KMT2D: variants seen among roughly 807,000 people sequenced by gnomAD.
KMT2D encodes the protein histone-lysine N-methyltransferase 2D.
Under a neutral mutation model 512.7 loss-of-function variants are expected in KMT2D, and 55 were observed. The ratio of observed to expected loss-of-function variants is 0.11; its 90% CI spans 0.09 to 0.13. KMT2D has a LOEUF of 0.13. KMT2D is among the 10% of genes least tolerant of loss of function. The pLI is 1.00. For missense variants in KMT2D, 6,061 were observed against 7,127.9 expected (o/e 0.85, Z 5.39); for synonymous variants, 2,995 against 2,904.0 (o/e 1.03, Z -1.01).
Position 49,030,841 on chromosome 12 carries a change from G to C in KMT2D, c.13671+52C>G, listed in dbSNP as rs1942869304. ...GCTGTCTTGCACAGCTGGGGGACAG[G>C]GTGCCCCCTATCCTGGGATGGGACC... is the stretch of plus-strand genomic sequence containing the variant. On this transcript the variant is annotated intron_variant, in intron 41 of 54. Transcript: ENST00000301067. 3.7e-6 allele frequency: 6 copies of C among 1,612,116 alleles called. No individual in the cohort carries two copies. The South Asian group carries it at 6.6e-5, about 18-fold the overall frequency.
rs776908533 is a variant in KMT2D at position 49,030,772 on chromosome 12, C to T, written c.13672-4G>A. 3 of 1,613,492 alleles carry T rather than the reference C, an allele frequency of 1.9e-6. No individual in the cohort carries two copies. The highest frequency in any genetic ancestry group is 1.7e-6 in the Non-Finnish European group (2 of 1,179,748). On this transcript the variant is annotated splice_region_variant and splice_polypyrimidine_tract_variant and intron_variant, in intron 41 of 54. Transcript: ENST00000301067. ...TTAGGGGCAGCAGGGACAGCTCCTACAAGGGGCAAGATGACAAAGTTCAAA... is the reference window on the plus strand; with the variant it reads ...TTAGGGGCAGCAGGGACAGCTCCTATAAGGGGCAAGATGACAAAGTTCAAA...
chr12:49,039,401 T>A lies in KMT2D; in HGVS notation c.8229+34A>T, dbSNP rs758956733. On this transcript the variant is annotated intron_variant, in intron 33 of 54. Transcript: ENST00000301067. The surrounding 1 kb of genome is among the most constrained non-coding windows in gnomAD (Gnocchi z 5.0). ...GATGAAGGTGGAGCAACCTTCAATA[T>A]CCTGGCCCCACTATCCCTTGCCACT... 1.2e-6 allele frequency: 2 copies of A among 1,605,322 alleles called. No individual in the cohort carries two copies. Among genetic ancestry groups the A allele is most frequent in the East Asian group, 4.5e-5 (2 of 44,790 alleles).
At chr12:49,029,368 G>C (rs549148214) in intron 44 of KMT2D, 33 bp downstream of exon 44, 1 of 1,555,616 alleles carries the variant, frequency 6.4e-7, no homozygotes, top group African/African-American at 1.4e-5. Flanking sequence ...CCCCACCCTT[G>C]TTCCTCATCC....
chr12:49,025,452 A>G (rs1254792941), intron 49 of KMT2D, among the ~76,000 whole-genome samples: 2 of 152,248 alleles, frequency 1.3e-5, no homozygotes, highest in African/African-American at 4.8e-5. Context: ...TATTCAGTAC[A>G]GTTACATGCT....
At position 49,059,867 on chromosome 12, in the gene KMT2D, A is replaced by C. The variant is rs1225317011; in HGVS notation, c.-292T>G. On this transcript the variant is annotated 5_prime_UTR_variant, in exon 1 of 55. Coordinates refer to ENST00000301067, the MANE Select transcript of KMT2D (RefSeq NM_003482.4). ...GACAGCCCCAGGGCGGCGAATCCCG[A>C]GCGGACACAAAGAGAGCACCGGTGG... 1 of 152,072 alleles carries C rather than the reference A, an allele frequency of 6.6e-6. No homozygotes were observed. The highest frequency in any genetic ancestry group is 2.4e-5 in the African/African-American group (1 of 41,344). The allele number at this position is 152,072 out of a possible 1,614,324, so 9.4% of individuals were successfully genotyped here.
chr12:49,052,625 C>T lies in KMT2D; in HGVS notation c.1197G>A (p.Gly399=), dbSNP rs1938143576. Residue 399 remains glycine, a synonymous_variant, in exon 10 of 55, where the codon GGG becomes GGA. Transcript: ENST00000301067. ...CCTTGGGTTGCATAGAGGTCACGTG[C>T]CCACCCTTTGGCTGCCCTTGGCATG... ...YVACQGQPKG[G]HVTSMQPKEP... The T allele has an allele frequency of 1.2e-6, 2 of 1,613,454 alleles. No homozygotes were observed. The highest frequency in any genetic ancestry group is 8.5e-7 in the Non-Finnish European group (1 of 1,179,682).
At position 49,054,511 on chromosome 12, in the gene KMT2D, C is replaced by A. The variant is rs781143750; in HGVS notation, c.400+17G>T. The A allele has an allele frequency of 1.4e-5, 22 of 1,600,734 alleles. No individual in the cohort carries two copies. In the Admixed American group the frequency reaches 3.8e-4, roughly 28 times the overall value. ...CCCAGCCCTTATCCCATTTCCTGCC[C>A]CATTCTCCTCACTCACCTCCAGGTT... is the stretch of plus-strand genomic sequence containing the variant. On this transcript the variant is annotated intron_variant, in intron 4 of 54. Transcript: ENST00000301067. This position sits in a 1 kb window ranked among gnomAD's most constrained non-coding sequence, Gnocchi z 6.4.
Position 49,050,487 on chromosome 12 carries a change from G to A in KMT2D, c.3101C>T (p.Pro1034Leu), listed in dbSNP as rs1423999055. 2.5e-6 allele frequency: 4 copies of A among 1,613,198 alleles called. No homozygotes were observed. The highest frequency in any genetic ancestry group is 3.4e-6 in the Non-Finnish European group (4 of 1,179,336). The stretch of plus-strand genomic sequence containing the variant: ...GCACTGGGAAGGAGGGGAGTTTTGG[G>A]GAACCAGGGAATGCTGAAGGAGTGG... The part of the protein sequence containing the change: ...CSPLLQHSLV[P>L]QNSPPSQCSP... Residue 1034 changes from proline (P) to leucine (L), a missense_variant, in exon 12 of 55, where the codon CCC becomes CTC. By Grantham distance (98) the Pro-to-Leu change is moderately conservative. Transcript: ENST00000301067.
rs879252046 is a variant in KMT2D, at chr12:49,033,872, T to C, written c.10833A>G (p.Gln3611=). 7 of 1,550,914 alleles carry C rather than the reference T, an allele frequency of 4.5e-6. No homozygotes were observed. The African/African-American group carries it at 8.2e-5, about 18-fold the overall frequency. The change falls in exon 40 of 55, where the codon CAA becomes CAG. Residue 3611 remains glutamine, a synonymous_variant. Transcript: ENST00000301067. ...TGAGAGCCAGCACAGCTGAGTGCTGTTGCTGTTGTTGCTGCTGCTGCTGCT... is the reference window on the plus strand; with the variant it reads ...TGAGAGCCAGCACAGCTGAGTGCTGCTGCTGTTGTTGCTGCTGCTGCTGCT... ...QQQQQQQQQQ[Q]QHSAVLALSP...
rs755966895 is a variant in KMT2D, at chr12:49,029,488, G to A, written c.14000-12C>T. The A allele has an allele frequency of 3.4e-5, 53 of 1,551,412 alleles. No individual in the cohort carries two copies. Among genetic ancestry groups the A allele is most frequent in the Non-Finnish European group, 4.6e-5 (53 of 1,146,352 alleles). ...CACCTCTGAAGTATCTGAGGGGTGG[G>A]TAGGGAGAAGAAAAGTCAGGTGAGG... On this transcript the variant is annotated splice_polypyrimidine_tract_variant and intron_variant, in intron 43 of 54. Transcript: ENST00000301067.
In KMT2D at chr12:49,060,507, G is replaced by A. The variant is rs553253630; in HGVS notation, c.-932C>T. Among the ~76,000 whole-genome samples, 3 of 152,344 alleles carry A rather than the reference G, an allele frequency of 2.0e-5. No homozygotes were observed. In the South Asian group the frequency reaches 6.2e-4, roughly 32 times the overall value. On this transcript the variant is annotated 5_prime_UTR_variant, in exon 1 of 55. Coordinates refer to ENST00000301067, the MANE Select transcript of KMT2D (RefSeq NM_003482.4). ...GGCCCAACCCCGGCTCCCGGCACCG[G>A]GGGGTCAGGAAACTGAGCGGAAAGT...
rs1940076424 is a variant in KMT2D at position 49,038,313 on chromosome 12, C to T, written c.9043G>A (p.Gly3015Ser). 1 of 1,613,844 alleles carries T rather than the reference C, an allele frequency of 6.2e-7. No individual in the cohort carries two copies. The highest frequency in any genetic ancestry group is 8.5e-7 in the Non-Finnish European group (1 of 1,179,876). ...DDEELAHLGL[G>S]VDVAKGDDEL... ...TCATCACCCTTGGCCACATCCACACCCAGACCCAGGTGAGCAAGCTCTTCA... is the reference window on the plus strand; with the variant it reads ...TCATCACCCTTGGCCACATCCACACTCAGACCCAGGTGAGCAAGCTCTTCA... Residue 3015 changes from glycine (G) to serine (S), a missense_variant, in exon 35 of 55, where the codon GGT (glycine) becomes AGT (serine). Gly to Ser is a moderately conservative substitution (Grantham distance 56). This residue lies in a region of KMT2D where 527 missense variants were observed against 578.9 expected (regional missense o/e 0.91). Transcript: ENST00000301067. The surrounding 1 kb of genome is among the most constrained non-coding windows in gnomAD (Gnocchi z 5.7).
Position 49,055,036 on chromosome 12 carries a change from C to A in KMT2D, c.50-10G>T. The A allele has an allele frequency of 6.2e-7, 1 of 1,613,372 alleles. No individual in the cohort carries two copies. The highest frequency in any genetic ancestry group is 8.5e-7 in the Non-Finnish European group (1 of 1,179,542). On this transcript the variant is annotated splice_polypyrimidine_tract_variant and intron_variant, in intron 2 of 54. Transcript: ENST00000301067. ...GCTGCAGGTCCATCAGCTGAATAAA[C>A]AGACAAACAGCATGTGTCAGCCATC...
At position 49,022,174 on chromosome 12, in the gene KMT2D, G is replaced by A. The variant is rs373936493; in HGVS notation, c.16413-23C>T. On this transcript the variant is annotated intron_variant, in intron 53 of 54. Coordinates refer to ENST00000301067, the MANE Select transcript of KMT2D (RefSeq NM_003482.4). This position sits in a 1 kb window ranked among gnomAD's most constrained non-coding sequence, Gnocchi z 8.6. ...TACCTGGGCAGTGGGACAGAGTCAG[G>A]GATGTCAGGCAACTAACTTGGGACA... 6.2e-6 allele frequency: 10 copies of A among 1,609,624 alleles called. No homozygotes were observed. Among genetic ancestry groups the A allele is most frequent in the African/African-American group, 1.3e-5 (1 of 74,836 alleles).
rs1243297922 is a variant in KMT2D at position 49,028,019 on chromosome 12, A to G, written c.14505T>C (p.Ala4835=). The change falls in exon 47 of 55, where the codon GCT becomes GCC. Residue 4835 remains alanine (A), a synonymous_variant. Transcript: ENST00000301067. ...CCCTGCCACACTCACCAGGACCCTCAGCTTCCCCCTTCTTTGGCTCAGTGC... is the reference window on the plus strand; with the variant it reads ...CCCTGCCACACTCACCAGGACCCTCGGCTTCCCCCTTCTTTGGCTCAGTGC... ...RAGTEPKKGE[A]EGPGGKEKGL... 1 of 1,613,510 alleles carries G rather than the reference A, an allele frequency of 6.2e-7. No individual in the cohort carries two copies. The highest frequency in any genetic ancestry group is 2.2e-5 in the East Asian group (1 of 44,866).
At position 49,054,867 on chromosome 12, in the gene KMT2D, T is replaced by C. The variant is rs1259870960; in HGVS notation, c.176+33A>G. ...ATTCTCTTCCTTGAAAGCCCTAGAC[T>C]CTCAAATCCTCATGTGCCCTCAAAC... On this transcript the variant is annotated intron_variant, in intron 3 of 54. Transcript: ENST00000301067. This position sits in a 1 kb window ranked among gnomAD's most constrained non-coding sequence, Gnocchi z 6.4. The C allele has an allele frequency of 5.6e-6, 9 of 1,606,734 alleles. No homozygotes were observed. In the African/African-American group the frequency reaches 1.2e-4, roughly 22 times the overall value.
At chr12:49,029,004 C>T (rs1412229178) in intron 45 of KMT2D, 46 bp from the exon 46 acceptor site, 4 of 1,609,170 alleles carry the variant, frequency 2.5e-6, no homozygotes, top group South Asian at 2.2e-5. Context: ...CGCCTCTCCC[C>T]CAGCTTCGGA....
In KMT2D at chr12:49,030,624, A is replaced by G. The variant is rs2120405972; in HGVS notation, c.13816T>C (p.Tyr4606His). The change falls in exon 42 of 55, where the codon TAC becomes CAC. Residue 4606 changes from tyrosine to histidine, a missense_variant. This residue lies in a region of KMT2D where 1,600 missense variants were observed against 1,754.9 expected (regional missense o/e 0.91). Transcript: ENST00000301067. The part of the protein sequence containing the change: ...GSGALPTGPD[Y>H]YSQLLTKNNL... ...ACCTTGGTAAGCAGCTGGGAATAGT[A>G]GTCAGGGCCAGTGGGCAGCGCCCCA... The G allele has an allele frequency of 6.3e-7, 1 of 1,593,160 alleles. No homozygotes were observed.
At position 49,051,092 on chromosome 12, in the gene KMT2D, G is replaced by A. The variant is rs778740177; in HGVS notation, c.2591C>T (p.Pro864Leu). 13 of 1,521,826 alleles carry A rather than the reference G, an allele frequency of 8.5e-6. No individual in the cohort carries two copies. The highest frequency in any genetic ancestry group is 1.4e-5 in the African/African-American group (1 of 71,540). 94.3% of individuals were successfully genotyped at this position (1,521,826 alleles called of 1,614,324 possible). The change falls in exon 11 of 55, where the codon CCT becomes CTT. Residue 864 changes from proline to leucine, a missense_variant. Around this residue, in one of 16 missense-constraint regions of KMT2D, gnomAD observed 848 missense variants for 838.5 expected, o/e 1.01. Transcript: ENST00000301067. ...GCCTGGCTCCTCAGGGGGCTTTTCA[G>A]GCCGAGGGGACAGGGGTGGCTTCTC... ...ELEKPPLSPR[P>L]EKPPEEPGQC...
Sources: gnomAD v4.1 joint callset for allele counts (sites outside exome capture counted in the v4.1 genomes callset) on GRCh38, gnomAD v4.1.1 for gene constraint, gnomAD v4.1.1 regional missense constraint, Gnocchi (gnomAD v3.1) non-coding constraint, MANE v1.5 for transcripts, NCBI Gene and HGNC (gene_info 2026-07-23, HGNC 2026-07-21) for gene names.